Variants in CFAP47 observed in about 807,000 individuals in gnomAD.
The protein encoded by CFAP47 is cilia and flagella associated protein 47, also known as cilia- and flagella-associated protein 47.
In CFAP47, 29 loss-of-function variants were observed where a neutral mutation model predicts 148.1. The observed-to-expected ratio is 0.20, with a 90% CI of 0.15 to 0.27. The LOEUF (loss-of-function observed/expected upper bound fraction) is 0.27. CFAP47 is among the 10% of genes least tolerant of loss of function. The pLI is 1.00. For missense variants in CFAP47, 1,872 were observed against 1,697.5 expected (o/e 1.10, Z -1.81); for synonymous variants, 664 against 577.3 (o/e 1.15, Z -2.15).
chrX:36,016,199 T>A (rs1424525441), intron 22 of CFAP47, among the ~76,000 whole-genome samples: 1 of 110,815 alleles, frequency 9.0e-6, no homozygotes, highest in Non-Finnish European at 1.9e-5. Flanking sequence ...AAATTATTAT[T>A]GACTGTAGTC....
intron 8 of CFAP47, among the ~76,000 whole-genome samples, chrX:35,961,297 A>C (rs951605473): frequency 4.5e-5 from 5 of 111,749 alleles, no homozygotes; most frequent in African/African-American, 1.6e-4. Flanking sequence ...TTTTTAAAAA[A>C]TGTTTTTGAT....
chrX:35,931,001 T>C (rs1935818126), intron 2 of CFAP47, among the ~76,000 whole-genome samples: 2 of 111,624 alleles, frequency 1.8e-5, no homozygotes, highest in South Asian at 7.4e-4. Context: ...GTTCTAGTTT[T>C]TGATATTGGA....
At chrX:36,384,761 T>C (rs1942111722) in intron 63 of CFAP47, 36 bp from the exon 64 acceptor site, 1 of 1,017,622 alleles carries the variant, frequency 9.8e-7, no homozygotes, top group Non-Finnish European at 1.4e-6. Context: ...AGTCCCTGGA[T>C]ATTTCAAATG....
At chrX:36,033,798 A>C (rs1937308572) in intron 23 of CFAP47, among the ~76,000 whole-genome samples, 2 of 111,428 alleles carry the variant, frequency 1.8e-5, no homozygotes, top group South Asian at 7.4e-4. Flanking sequence ...TTGAAGAGTA[A>C]AGTTAATGAA....
intron 48 of CFAP47, among the ~76,000 whole-genome samples, chrX:36,249,967 G>A (rs1291625264): frequency 9.0e-6 from 1 of 111,065 alleles, no homozygotes; most frequent in Non-Finnish European, 1.9e-5. Flanking sequence ...ACTGTTGGTG[G>A]GAGTGTAAAT....
chrX:36,176,382 T>G (rs1163789215), intron 39 of CFAP47, among the ~76,000 whole-genome samples: 1 of 112,289 alleles, frequency 8.9e-6, no homozygotes, highest in East Asian at 2.8e-4. Context: ...GGTTGTCTAG[T>G]TTTGTAATTT....
chrX:36,196,895 G>A (rs1215497311), intron 42 of CFAP47, among the ~76,000 whole-genome samples: 1 of 111,504 alleles, frequency 9.0e-6, no homozygotes, highest in Admixed American at 9.6e-5. Context: ...CCTTGTCAAA[G>A]CTTCTAGATT....
chrX:36,071,287 T>G (rs1362336514), intron 27 of CFAP47, among the ~76,000 whole-genome samples: 1 of 112,322 alleles, frequency 8.9e-6, no homozygotes, highest in African/African-American at 3.2e-5. Flanking sequence ...TTGGTTGGAT[T>G]CAGATTTACA....
Position 36,077,920 on chromosome X carries a change from T to C in CFAP47, c.4691+4556T>C, listed in dbSNP as rs142438049. On this transcript the variant is annotated intron_variant, in intron 29 of 63. Transcript: ENST00000378653. Reference sequence around the variant, plus strand: ...GGCACACTCCTATAGTCTCAGCTACTAGGGAGGCTGAGGCAGGAGAATTTA... The same window carrying C: ...GGCACACTCCTATAGTCTCAGCTACCAGGGAGGCTGAGGCAGGAGAATTTA... 9.7e-3 allele frequency among the ~76,000 whole-genome samples: 1,064 copies of C among 109,993 alleles called. 8 individuals are homozygous for C. Among genetic ancestry groups the C allele is most frequent in the African/African-American group, 0.033 (1,002 of 30,179 alleles).
chrX:36,086,864 G>A (rs950959459), intron 30 of CFAP47, among the ~76,000 whole-genome samples: 2 of 110,865 alleles, frequency 1.8e-5, no homozygotes, highest in African/African-American at 6.6e-5. Flanking sequence ...CAGTTGTCTG[G>A]CCCTGATGCC....
chrX:36,052,286 A>G (rs1352882119), intron 26 of CFAP47, among the ~76,000 whole-genome samples: 1 of 112,192 alleles, frequency 8.9e-6, no homozygotes, highest in East Asian at 2.8e-4. Flanking sequence ...ATAGCATAGT[A>G]GAATGATTGA....
intron 1 of CFAP47, among the ~76,000 whole-genome samples, chrX:35,925,635 C>T (rs1377547511): frequency 8.9e-6 from 1 of 111,805 alleles, no homozygotes; most frequent in African/African-American, 3.2e-5. Flanking sequence ...TATAACACTC[C>T]TAACTATAGT....
chrX:36,053,803 C>T (rs1291411364), intron 26 of CFAP47, among the ~76,000 whole-genome samples: 2 of 111,907 alleles, frequency 1.8e-5, no homozygotes, highest in Non-Finnish European at 3.8e-5. Flanking sequence ...TACTTGTAGC[C>T]AAATGGTGGA....
chrX:36,271,987 A>G (rs1327899786), intron 49 of CFAP47, among the ~76,000 whole-genome samples: 1 of 111,868 alleles, frequency 8.9e-6, no homozygotes, highest in Non-Finnish European at 1.9e-5. Context: ...TCCTAATTCA[A>G]TAGGACCTAC....
chrX:36,254,046 A>ATT (rs1555998599), intron 49 of CFAP47, among the ~76,000 whole-genome samples: 7 of 112,149 alleles, frequency 6.2e-5, no homozygotes, highest in South Asian at 7.3e-4. Flanking sequence ...TCTTCCTGAG[A>ATT]ATTCACATCT....
At chrX:35,963,141 A>G (rs751849734) in intron 8 of CFAP47, among the ~76,000 whole-genome samples, 9 of 110,960 alleles carry the variant, frequency 8.1e-5, no homozygotes, top group Non-Finnish European at 1.5e-4. Context: ...ATAGAAGCAG[A>G]TAGTAGAATT....
chrX:36,215,042 A>G (rs895741531), intron 45 of CFAP47, among the ~76,000 whole-genome samples: 2 of 111,399 alleles, frequency 1.8e-5, no homozygotes, highest in African/African-American at 6.5e-5. Context: ...CTTTTATACC[A>G]CTTGGCAGCT....
At chrX:36,093,773 T>C (rs1023382268) in intron 30 of CFAP47, among the ~76,000 whole-genome samples, 1 of 111,631 alleles carries the variant, frequency 9.0e-6, no homozygotes, top group Non-Finnish European at 1.9e-5. Flanking sequence ...TTTGAGCGCC[T>C]TATATATTCT....
At position 36,069,134 on chromosome X, in the gene CFAP47, A is replaced by AT. The variant is rs1937699076; in HGVS notation, c.4319-2687dup. Among the ~76,000 whole-genome samples, 4 of 110,287 alleles carry AT rather than the reference A, an allele frequency of 3.6e-5. No homozygotes were observed. In the South Asian group the frequency reaches 1.5e-3, roughly 42 times the overall value. ...TCTAACCACACTTTTATGCCATATG[A>AT]TTTTATCTTTTATTCTTAAATCTTC... On this transcript the variant is annotated intron_variant, in intron 27 of 63. Coordinates refer to ENST00000378653, the MANE Select transcript of CFAP47 (RefSeq NM_001304548.2).
Sources: gnomAD v4.1 joint callset for allele counts (sites outside exome capture counted in the v4.1 genomes callset) on GRCh38, gnomAD v4.1.1 for gene constraint, MANE v1.5 for transcripts, NCBI Gene and HGNC (gene_info 2026-07-23, HGNC 2026-07-21) for gene names.